The following SLC7A9 variants were observed in gnomAD, a reference collection of about 807,000 sequenced individuals.
SLC7A9 encodes B(0,+)-type amino acid transporter 1.
SLC7A9 carries 38 observed loss-of-function variants against 54.1 expected under a neutral mutation model. The ratio of observed to expected loss-of-function variants is 0.70; its 90% confidence interval spans 0.54 to 0.92. The LOEUF is 0.92. Among genes scored for constraint, SLC7A9 ranks in the 40% least tolerant of loss-of-function variants. The pLI is 0.00. For missense variants in SLC7A9, 537 were observed against 636.1 expected, an observed-to-expected ratio of 0.84 and a Z score of 1.68; for synonymous variants, 264 against 258.9, an observed-to-expected ratio of 1.02 and a Z score of -0.19.
chr19:32,861,147 G>A (rs1332527624), intron 6 of SLC7A9, among the ~76,000 whole-genome samples: 1 of 151,986 alleles, frequency 6.6e-6, no homozygotes, highest in Admixed American at 6.6e-5. Flanking sequence ...TGGCCAACAT[G>A]GTAAAACCTC....
At chr19:32,856,195 G>GT (rs199589539) in intron 9 of SLC7A9, among the ~76,000 whole-genome samples, 30,504 of 142,366 alleles carry the variant, frequency 0.21, 3,482 homozygotes, top group East Asian at 0.53. Context: ...ATAGCTAGTG[G>GT]TTTTTTTTTT....
At chr19:32,855,984 C>T (rs1733046265) in intron 9 of SLC7A9, among the ~76,000 whole-genome samples, 1 of 152,116 alleles carries the variant, frequency 6.6e-6, no homozygotes, top group South Asian at 2.1e-4. Flanking sequence ...TCATCTGCAA[C>T]ATACATGAAA....
chr19:32,845,426 C>T (rs1024955494), intron 9 of SLC7A9, among the ~76,000 whole-genome samples: 70 of 150,118 alleles, frequency 4.7e-4, no homozygotes, highest in African/African-American at 1.7e-3. Context: ...ACCTGGGAAG[C>T]GGAGGTTGCA....
chr19:32,832,479 C>T (rs368728477), intron 12 of SLC7A9, among the ~76,000 whole-genome samples: 2 of 151,052 alleles, frequency 1.3e-5, no homozygotes, highest in Non-Finnish European at 2.9e-5. Context: ...CCCAGCTACT[C>T]GGAAGGCTGA....
chr19:32,859,495 GCCTCTCA>G (rs1301606838), intron 8 of SLC7A9, among the ~76,000 whole-genome samples: 2 of 152,042 alleles, frequency 1.3e-5, no homozygotes, highest in African/African-American at 2.4e-5. Context: ...TGACCCCAAT[GCCTCTCA>G]CCTCTCACCT....
chr19:32,860,279 G>T, intron 7 of SLC7A9: 1 of 1,392,148 alleles, frequency 7.2e-7, no homozygotes, highest in Non-Finnish European at 9.3e-7. Context: ...TTCGCTGGCC[G>T]GGTGCAGTGG....
intron 10 of SLC7A9, among the ~76,000 whole-genome samples, chr19:32,842,681 C>T (rs970701527): frequency 2.0e-5 from 3 of 151,928 alleles, no homozygotes; most frequent in Non-Finnish European, 4.4e-5. Flanking sequence ...GGCGTGATCT[C>T]GGTTGACTGC....
chr19:32,851,984 A>G (rs1968481876), intron 9 of SLC7A9, among the ~76,000 whole-genome samples: 1 of 151,910 alleles, frequency 6.6e-6, no homozygotes, highest in African/African-American at 2.4e-5. Flanking sequence ...GAACACATGG[A>G]CACAGGAAGG....
chr19:32,835,730 T>C (rs765566275), intron 11 of SLC7A9, among the ~76,000 whole-genome samples: 3 of 152,210 alleles, frequency 2.0e-5, no homozygotes, highest in Non-Finnish European at 2.9e-5. Context: ...CTTTTGGTTT[T>C]CTGTTGTTCT....
intron 11 of SLC7A9, among the ~76,000 whole-genome samples, chr19:32,836,528 C>T (rs1167808315): frequency 1.3e-5 from 2 of 152,086 alleles, no homozygotes; most frequent in Non-Finnish European, 2.9e-5. Context: ...TTCTTCATGG[C>T]ATTAAAAGCT....
rs184521653 is a variant in SLC7A9, at chr19:32,844,479, A to G, written c.978-528T>C. Among the ~76,000 whole-genome samples the G allele has an allele frequency of 1.9e-3, 295 of 151,906 alleles. 1 individual carries two copies. The highest frequency in any genetic ancestry group is 6.6e-3 in the African/African-American group (274 of 41,440). On this transcript the variant is annotated intron_variant, in intron 9 of 12. Transcript: ENST00000023064. The stretch of plus-strand genomic sequence containing the variant: ...TCTCTCTCTATCTCCCTTTCCCCCC[A>G]TGCTTTTCAGCCTCTGGTATCCTCT...
intron 10 of SLC7A9, 73 bp from the exon 11 acceptor site, chr19:32,842,390 A>C: frequency 1.4e-6 from 2 of 1,474,110 alleles, no homozygotes; most frequent in African/African-American, 1.4e-5. Context: ...AGACCGAAGA[A>C]GCAGTTTTTC....
At chr19:32,869,255 A>T (rs1363221716) in intron 1 of SLC7A9, among the ~76,000 whole-genome samples, 1 of 152,034 alleles carries the variant, frequency 6.6e-6, no homozygotes, top group African/African-American at 2.4e-5. Context: ...TAAAAAATGA[A>T]AATATTGTGG....
chr19:32,862,439 G>A lies in SLC7A9; in HGVS notation c.604+22C>T, dbSNP rs536782054. 3.7e-4 allele frequency: 594 copies of A among 1,612,380 alleles called. No individual in the cohort carries two copies. The African/African-American group carries it at 6.9e-3, about 19-fold the overall frequency. On this transcript the variant is annotated intron_variant, in intron 5 of 12. Transcript: ENST00000023064. ...GGGCGTTTGGTGTGTGCCCGTGCAG[G>A]GCCCACCCTCCCGTGGGTCACCTTG...
intron 8 of SLC7A9, among the ~76,000 whole-genome samples, chr19:32,858,977 C>T (rs1335446950): frequency 2.0e-5 from 3 of 151,826 alleles, no homozygotes; most frequent in Non-Finnish European, 4.4e-5. Context: ...TTAGTAGAGA[C>T]GGGATTTCAC....
chr19:32,869,039 C>T (rs1969062141), intron 1 of SLC7A9, among the ~76,000 whole-genome samples: 2 of 144,284 alleles, frequency 1.4e-5, no homozygotes, highest in Non-Finnish European at 3.0e-5. Context: ...CGAACCCCGT[C>T]TCTACTAAAA....
chr19:32,843,797 C>T, intron 10 of SLC7A9, 58 bp downstream of exon 10: 1 of 1,321,506 alleles, frequency 7.6e-7, no homozygotes, highest in Non-Finnish European at 1.1e-6. Flanking sequence ...GGGCTTAGCA[C>T]CCCATGGATG....
chr19:32,839,287 G>A (rs1968061845), intron 11 of SLC7A9, among the ~76,000 whole-genome samples: 1 of 152,086 alleles, frequency 6.6e-6, no homozygotes, highest in Non-Finnish European at 1.5e-5. Flanking sequence ...GGGCACGGTG[G>A]CTCACACCTG....
At chr19:32,844,285 T>A (rs562271900) in intron 9 of SLC7A9, among the ~76,000 whole-genome samples, 7 of 152,162 alleles carry the variant, frequency 4.6e-5, no homozygotes, top group African/African-American at 1.7e-4. Flanking sequence ...CAAATAACTT[T>A]AAAAATTTTT....
Sources: gnomAD v4.1 joint callset for allele counts (sites outside exome capture counted in the v4.1 genomes callset) on GRCh38, gnomAD v4.1.1 for gene constraint, MANE v1.5 for transcripts, NCBI Gene and HGNC (gene_info 2026-07-23, HGNC 2026-07-21) for gene names.